Variants in SPATA31H1 observed in about 807,000 individuals in gnomAD.
SPATA31H1 encodes the protein spermatogenesis-associated protein 31H1.
At chr2:27,580,016 A>G in the SPATA31H1 span, 25 of 1,614,090 alleles carry the variant, frequency 1.5e-5, no homozygotes, top group Non-Finnish European at 1.9e-5. Context: ...TTATCTATCC[A>G]CAGCTCCACC....
chr2:27,540,502 G>A, the SPATA31H1 span, among the ~76,000 whole-genome samples: 1 of 129,484 alleles, frequency 7.7e-6, no homozygotes, highest in African/African-American at 3.1e-5. Flanking sequence ...CTCCCGGACG[G>A]GGCGGCTGGC....
chr2:27,575,518 A>T, the SPATA31H1 span: 1 of 398,518 alleles, frequency 2.5e-6, no homozygotes. This position sits in a 1 kb window ranked among gnomAD's most constrained non-coding sequence, Gnocchi z 4.1. Flanking sequence ...TTAGATTTCA[A>T]CCCTGGACCA....
At chr2:27,542,017 C>G in the SPATA31H1 span, among the ~76,000 whole-genome samples, 1 of 152,034 alleles carries the variant, frequency 6.6e-6, no homozygotes, top group East Asian at 1.9e-4. Flanking sequence ...AAGCAATCCA[C>G]ACACCTCAGC....
chr2:27,556,180 T>C, the SPATA31H1 span, among the ~76,000 whole-genome samples: 1 of 151,258 alleles, frequency 6.6e-6, no homozygotes, highest in Non-Finnish European at 1.5e-5. Flanking sequence ...GTATTCAGCA[T>C]TCTGTAGTGT....
the SPATA31H1 span, among the ~76,000 whole-genome samples, chr2:27,553,451 G>T: frequency 6.6e-6 from 1 of 152,010 alleles, no homozygotes; most frequent in Non-Finnish European, 1.5e-5. Flanking sequence ...GGGTCACTTG[G>T]TCACACCTTT....
the SPATA31H1 span, chr2:27,577,829 G>A: frequency 3.1e-6 from 5 of 1,614,126 alleles, no homozygotes; most frequent in Middle Eastern, 3.3e-4. This position sits in a 1 kb window ranked among gnomAD's most constrained non-coding sequence, Gnocchi z 4.5. Flanking sequence ...CTTTAGAGGT[G>A]CCCCTGAAGC....
At chr2:27,577,465 C>T in the SPATA31H1 span, 1 of 1,614,126 alleles carries the variant, frequency 6.2e-7, no homozygotes, top group Non-Finnish European at 8.5e-7. The surrounding 1 kb of genome is among the most constrained non-coding windows in gnomAD (Gnocchi z 4.5). Flanking sequence ...CCAAAGCCAA[C>T]AAGTCAAGCC....
chr2:27,569,542 A>G, the SPATA31H1 span: 1 of 398,770 alleles, frequency 2.5e-6, no homozygotes, highest in Non-Finnish European at 4.4e-6. Flanking sequence ...GGATCTAAAA[A>G]GTTAATTACA....
chr2:27,551,634 GGAT>G, the SPATA31H1 span, among the ~76,000 whole-genome samples: 1 of 151,988 alleles, frequency 6.6e-6, no homozygotes, highest in East Asian at 1.9e-4. Context: ...ACTCAGGCAA[GGAT>G]TTTCCATTGC....
chr2:27,559,042 G>A, the SPATA31H1 span, among the ~76,000 whole-genome samples: 1 of 152,124 alleles, frequency 6.6e-6, no homozygotes, highest in African/African-American at 2.4e-5. Flanking sequence ...TATTCCCCAT[G>A]TTTATCTCTT....
At chr2:27,544,176 A>G in the SPATA31H1 span, among the ~76,000 whole-genome samples, 1 of 152,114 alleles carries the variant, frequency 6.6e-6, no homozygotes, top group Non-Finnish European at 1.5e-5. Flanking sequence ...TTTATGTAAT[A>G]AAAAGCTTTT....
the SPATA31H1 span, among the ~76,000 whole-genome samples, chr2:27,539,572 G>A: frequency 1.8e-4 from 21 of 117,288 alleles, no homozygotes; most frequent in African/African-American, 5.8e-4. Context: ...CACTCTTCCC[G>A]CCTTTCTATT....
At chr2:27,575,617 T>C in the SPATA31H1 span, 1 of 398,522 alleles carries the variant, frequency 2.5e-6, no homozygotes, top group Non-Finnish European at 4.4e-6. This position sits in a 1 kb window ranked among gnomAD's most constrained non-coding sequence, Gnocchi z 4.1. Flanking sequence ...GGACCACATT[T>C]GCAAGATGTG....
chr2:27,565,480 G>A, the SPATA31H1 span: 5 of 696,886 alleles, frequency 7.2e-6, no homozygotes, highest in Non-Finnish European at 1.3e-5. Context: ...GTGGAGGGAG[G>A]TTGAAAAAGA....
At chr2:27,565,676 C>T in the SPATA31H1 span, among the ~76,000 whole-genome samples, 1 of 152,212 alleles carries the variant, frequency 6.6e-6, no homozygotes, top group Non-Finnish European at 1.5e-5. Context: ...CAAAGGGTAA[C>T]TACCAAGAGT....
the SPATA31H1 span, chr2:27,571,155 C>A: frequency 5.0e-6 from 2 of 398,334 alleles, no homozygotes; most frequent in Non-Finnish European, 8.9e-6. Flanking sequence ...GCAGTTAACA[C>A]CAGAGCCAGA....
the SPATA31H1 span, among the ~76,000 whole-genome samples, chr2:27,563,385 C>CTTTTTTTTTTTTTT: frequency 3.1e-4 from 21 of 68,730 alleles, 5 homozygotes; most frequent in African/African-American, 4.7e-4. Flanking sequence ...TCTTCTACTT[C>CTTTTTTTTTTTTTT]TTTTTTTTTT....
chr2:27,546,617 C>T, the SPATA31H1 span, among the ~76,000 whole-genome samples: 1 of 152,050 alleles, frequency 6.6e-6, no homozygotes, highest in African/African-American at 2.4e-5. Context: ...ACTGCAGCCT[C>T]AACCTCTTGG....
At chr2:27,558,905 G>A in the SPATA31H1 span, among the ~76,000 whole-genome samples, 20,729 of 88,614 alleles carry the variant, frequency 0.23, 2,492 homozygotes, top group East Asian at 0.47. Context: ...GAGAGGGAGA[G>A]GGAGAGGGAG....
Sources: allele counts gnomAD v4.1 joint callset (sites outside exome capture counted in the v4.1 genomes callset), GRCh38; gene constraint gnomAD v4.1.1; non-coding constraint Gnocchi (gnomAD v3.1); transcripts MANE v1.5; gene names NCBI Gene and HGNC (gene_info 2026-07-23, HGNC 2026-07-21).